The following SND1 variants were observed in gnomAD, a reference collection of about 807,000 sequenced individuals.
SND1 encodes the protein staphylococcal nuclease domain-containing protein 1.
SND1 carries 38 observed loss-of-function variants against 121.7 expected under a neutral mutation model. The ratio of observed to expected loss-of-function variants is 0.31; its 90% CI spans 0.24 to 0.41. The LOEUF (loss-of-function observed/expected upper bound fraction) is 0.41, where lower values mean the gene tolerates loss of function less well. Among genes scored for constraint, SND1 ranks in the 10% least tolerant of loss-of-function variants. The pLI, the probability that SND1 is intolerant of heterozygous loss-of-function variation, is 1.00. For missense variants in SND1, 868 were observed against 1,184.6 expected (o/e 0.73, Z 3.92); for synonymous variants, 401 against 447.4 (o/e 0.90, Z 1.31).
intron 16 of SND1, among the ~76,000 whole-genome samples, chr7:128,021,222 G>C (rs909652313): frequency 1.3e-5 from 2 of 152,232 alleles, no homozygotes; most frequent in Non-Finnish European, 2.9e-5. Flanking sequence ...AAGTCTTCTT[G>C]CAATGGCAAT....
At chr7:128,071,399 A>T (rs772215571) in intron 16 of SND1, among the ~76,000 whole-genome samples, 5 of 152,280 alleles carry the variant, frequency 3.3e-5, no homozygotes, top group African/African-American at 9.6e-5. Flanking sequence ...CAAAATTACC[A>T]TAAATAACAA....
chr7:127,820,683 CTA>C (rs1399108958), intron 11 of SND1, among the ~76,000 whole-genome samples: 1 of 152,124 alleles, frequency 6.6e-6, no homozygotes, highest in African/African-American at 2.4e-5. Context: ...TTGTCCCTCT[CTA>C]TCTTTCCTTT....
intron 10 of SND1, among the ~76,000 whole-genome samples, chr7:127,786,148 G>A (rs1406712982): frequency 6.6e-6 from 1 of 150,986 alleles, no homozygotes; most frequent in Non-Finnish European, 1.5e-5. Context: ...TATCCTTAAA[G>A]ACCCAGGGTT....
intron 1 of SND1, among the ~76,000 whole-genome samples, chr7:127,659,508 A>G (rs138853580): frequency 6.6e-6 from 1 of 152,278 alleles, no homozygotes; most frequent in East Asian, 1.9e-4. Context: ...ATCATGTGTG[A>G]CTTAAGGTAC....
intron 12 of SND1, among the ~76,000 whole-genome samples, chr7:127,849,967 TTCTG>T (rs1799135210): frequency 6.6e-6 from 1 of 152,196 alleles, no homozygotes; most frequent in South Asian, 2.1e-4. Context: ...TGAATATCCT[TTCTG>T]TCTGTTTAGA....
At chr7:127,831,258 C>T (rs1312184610) in intron 11 of SND1, among the ~76,000 whole-genome samples, 1 of 152,206 alleles carries the variant, frequency 6.6e-6, no homozygotes, top group Non-Finnish European at 1.5e-5. Context: ...GGCTGGCTAA[C>T]CCACTGCAAA....
At chr7:127,867,770 T>C (rs752046175) in intron 12 of SND1, among the ~76,000 whole-genome samples, 5 of 152,140 alleles carry the variant, frequency 3.3e-5, no homozygotes, top group Non-Finnish European at 7.4e-5. Context: ...AATTCTCTTT[T>C]TGAAACACAC....
chr7:127,916,030 GTGTT>G (rs1483768280), intron 14 of SND1, among the ~76,000 whole-genome samples: 1 of 136,726 alleles, frequency 7.3e-6, no homozygotes, highest in Non-Finnish European at 1.6e-5. Context: ...GTGTGTGTGT[GTGTT>G]TATGTGTGTA....
At chr7:127,925,503 G>A (rs547896726) in intron 14 of SND1, among the ~76,000 whole-genome samples, 5 of 152,132 alleles carry the variant, frequency 3.3e-5, no homozygotes, top group African/African-American at 9.6e-5. Flanking sequence ...AGAAATATTT[G>A]ATATTACCTT....
At chr7:127,757,510 G>A (rs1797219451) in intron 10 of SND1, among the ~76,000 whole-genome samples, 1 of 152,144 alleles carries the variant, frequency 6.6e-6, no homozygotes, top group Admixed American at 6.5e-5. Context: ...CTTTTCCAAT[G>A]TTACTATATG....
intron 9 of SND1, among the ~76,000 whole-genome samples, chr7:127,718,050 A>G (rs945439950): frequency 2.0e-5 from 3 of 151,928 alleles, no homozygotes; most frequent in African/African-American, 4.8e-5. Flanking sequence ...TTTTCCTTTT[A>G]TGATTGGGCT....
At chr7:127,687,242 A>T (rs181830733) in intron 2 of SND1, 1 of 152,366 alleles carries the variant, frequency 6.6e-6, no homozygotes, top group Non-Finnish European at 1.5e-5. Flanking sequence ...TAAAACCTGT[A>T]TGATCAGACA....
intron 15 of SND1, among the ~76,000 whole-genome samples, chr7:127,986,840 G>C (rs1224244719): frequency 6.6e-6 from 1 of 152,186 alleles, no homozygotes; most frequent in Non-Finnish European, 1.5e-5. Flanking sequence ...ATCTGTCTTT[G>C]TTCTGGCACA....
At chr7:127,877,591 C>T (rs1799714790) in intron 12 of SND1, among the ~76,000 whole-genome samples, 1 of 152,050 alleles carries the variant, frequency 6.6e-6, no homozygotes, top group Non-Finnish European at 1.5e-5. Flanking sequence ...ATTTCTCTAT[C>T]ATCCTTCTTA....
chr7:127,670,500 T>C (rs778149998), intron 1 of SND1, among the ~76,000 whole-genome samples: 2 of 152,130 alleles, frequency 1.3e-5, no homozygotes, highest in East Asian at 1.9e-4. Flanking sequence ...TGCGGCCAGA[T>C]TGGAAAACTT....
chr7:128,081,644 C>T, intron 18 of SND1, 143 bp downstream of exon 18: 1 of 871,136 alleles, frequency 1.1e-6, no homozygotes, highest in Non-Finnish European at 1.8e-6. Flanking sequence ...CGTTGCCGCC[C>T]CTGTCTCCCT....
At chr7:127,782,287 T>C (rs1407877757) in intron 10 of SND1, among the ~76,000 whole-genome samples, 1 of 152,188 alleles carries the variant, frequency 6.6e-6, no homozygotes, top group Non-Finnish European at 1.5e-5. Context: ...GTTAATTTAA[T>C]AGGATCCTAA....
chr7:128,046,722 A>G (rs564886885), intron 16 of SND1, among the ~76,000 whole-genome samples: 10 of 152,238 alleles, frequency 6.6e-5, no homozygotes, highest in African/African-American at 2.4e-4. Flanking sequence ...GCCTCCGTTA[A>G]GTGCTGGGAT....
At chr7:127,805,895 T>C (rs1798229727) in intron 10 of SND1, among the ~76,000 whole-genome samples, 1 of 152,164 alleles carries the variant, frequency 6.6e-6, no homozygotes, top group Non-Finnish European at 1.5e-5. Flanking sequence ...TCTCCTGTCT[T>C]TCTATACTTT....
Sources: gnomAD v4.1 joint callset for allele counts (sites outside exome capture counted in the v4.1 genomes callset) on GRCh38, gnomAD v4.1.1 for gene constraint, MANE v1.5 for transcripts, NCBI Gene and HGNC (gene_info 2026-07-23, HGNC 2026-07-21) for gene names.